CPNE8: variants seen among roughly 807,000 people sequenced by gnomAD.
CPNE8 encodes the protein copine 8.
In CPNE8, 45 loss-of-function variants were observed where a neutral mutation model predicts 81.5. The ratio of observed to expected loss-of-function variants is 0.55; its 90% confidence interval spans 0.44 to 0.71. The LOEUF (loss-of-function observed/expected upper bound fraction) is 0.71. Among genes scored for constraint, CPNE8 ranks in the 30% least tolerant of loss-of-function variants. CPNE8 has a pLI of 0.00. For missense variants in CPNE8, 594 were observed against 672.1 expected, an observed-to-expected ratio of 0.88 and a Z score of 1.28; for synonymous variants, 252 against 226.3, an observed-to-expected ratio of 1.11 and a Z score of -1.02.
chr12:38,768,462 T>C (rs143402231), intron 7 of CPNE8, among the ~76,000 whole-genome samples: 2 of 152,274 alleles, frequency 1.3e-5, no homozygotes, highest in Admixed American at 6.5e-5. Context: ...AGAAAATGTA[T>C]TGTTATTTAA....
rs201678434 is a variant in CPNE8, at chr12:38,902,315, G to GGAAA, written c.98+3118_98+3121dup. Among the ~76,000 whole-genome samples the GGAAA allele has an allele frequency of 5.9e-3, 493 of 83,776 alleles. 5 individuals carry two copies. The highest frequency in any genetic ancestry group is 9.1e-3 in the South Asian group (22 of 2,414). The allele number at this position is 83,776 out of a possible 152,430, so 55.0% of individuals were successfully genotyped here. A position where few individuals can be genotyped will look rare whatever the true frequency, so the allele number is the denominator to read the frequency against. On this transcript the variant is annotated intron_variant, in intron 1 of 19. Coordinates refer to ENST00000331366, the MANE Select transcript of CPNE8 (RefSeq NM_153634.3). ...GGAAGGAAAGGAAGGAAGGAAGGAAGGAAAGAAAGAAAGAAAGAAAGAAAG... is the reference window on the plus strand; with the variant it reads ...GGAAGGAAAGGAAGGAAGGAAGGAAGGAAAGAAAGAAAGAAAGAAAGAAAGAAAG...
intron 13 of CPNE8, among the ~76,000 whole-genome samples, chr12:38,722,932 G>T (rs1377981275): frequency 6.6e-6 from 1 of 152,034 alleles, no homozygotes; most frequent in Non-Finnish European, 1.5e-5. Flanking sequence ...GTGTTTGACA[G>T]GTCCTCCTTC....
chr12:38,660,820 C>G (rs1433467857), intron 19 of CPNE8, among the ~76,000 whole-genome samples: 1 of 152,058 alleles, frequency 6.6e-6, no homozygotes, highest in African/African-American at 2.4e-5. Context: ...AGATACTTCT[C>G]AAAAGACATT....
chr12:38,675,822 TAAGAA>T, intron 17 of CPNE8, 48 bp from the exon 18 acceptor site: 1 of 1,232,930 alleles, frequency 8.1e-7, no homozygotes, highest in Non-Finnish European at 1.2e-6. Context: ...ATTGAGTTCT[TAAGAA>T]AATAATTAAA....
At chr12:38,818,873 C>A (rs868235609) in intron 6 of CPNE8, among the ~76,000 whole-genome samples, 2 of 152,306 alleles carry the variant, frequency 1.3e-5, no homozygotes, top group South Asian at 4.1e-4. Context: ...TTGCATTTCT[C>A]TAATGACCAG....
At chr12:38,905,725 C>A (rs1200572351), upstream of CPNE8, 1 of 1,429,066 alleles carries the variant, frequency 7.0e-7, no homozygotes, top group Non-Finnish European at 9.2e-7. Flanking sequence ...AACCGCTAGC[C>A]AGTCCTGGGT....
chr12:38,738,383 T>C (rs994889548), intron 10 of CPNE8, among the ~76,000 whole-genome samples: 1 of 152,186 alleles, frequency 6.6e-6, no homozygotes, highest in Non-Finnish European at 1.5e-5. Flanking sequence ...TCAATCAATA[T>C]GTAGAGACAA....
intron 11 of CPNE8, among the ~76,000 whole-genome samples, chr12:38,728,496 A>T (rs1447867329): frequency 2.0e-5 from 3 of 152,152 alleles, no homozygotes; most frequent in African/African-American, 7.2e-5. Flanking sequence ...CAGAAGAAAT[A>T]ATCAGTAATT....
intron 10 of CPNE8, among the ~76,000 whole-genome samples, chr12:38,732,979 C>G (rs1940867824): frequency 6.6e-6 from 1 of 151,966 alleles, no homozygotes; most frequent in Admixed American, 6.6e-5. Context: ...CAGCCTCCAA[C>G]ATAACATTTC....
At chr12:38,877,037 G>T (rs1030725640) in intron 1 of CPNE8, among the ~76,000 whole-genome samples, 1 of 152,192 alleles carries the variant, frequency 6.6e-6, no homozygotes, top group South Asian at 2.1e-4. Flanking sequence ...GTGAGTGAAT[G>T]AGTCAATGTA....
chr12:38,778,272 G>C (rs1294550215), intron 6 of CPNE8, among the ~76,000 whole-genome samples: 1 of 152,132 alleles, frequency 6.6e-6, no homozygotes, highest in Non-Finnish European at 1.5e-5. Context: ...ATCTAGGTTT[G>C]TGTAAGTACA....
intron 13 of CPNE8, among the ~76,000 whole-genome samples, chr12:38,720,492 T>G (rs994845897): frequency 6.6e-6 from 1 of 152,178 alleles, no homozygotes; most frequent in African/African-American, 2.4e-5. Context: ...ATTCTTCACA[T>G]GCTCATAAAG....
chr12:38,739,706 G>T (rs1217998090), intron 10 of CPNE8, among the ~76,000 whole-genome samples: 6 of 151,982 alleles, frequency 3.9e-5, no homozygotes, highest in African/African-American at 1.5e-4. Context: ...TTAATTAGCG[G>T]ATACCAAAAT....
At chr12:38,813,981 C>T (rs188291728) in intron 6 of CPNE8, among the ~76,000 whole-genome samples, 9 of 152,100 alleles carry the variant, frequency 5.9e-5, no homozygotes, top group African/African-American at 2.2e-4. Context: ...TCCAGGTATG[C>T]CACTGGAGTG....
chr12:38,851,923 T>C (rs1476057554), intron 3 of CPNE8, among the ~76,000 whole-genome samples: 2 of 152,158 alleles, frequency 1.3e-5, no homozygotes, highest in Non-Finnish European at 2.9e-5. Flanking sequence ...CTTTCTTACC[T>C]CATGGCCTTT....
intron 14 of CPNE8, among the ~76,000 whole-genome samples, chr12:38,699,137 C>T (rs1241742828): frequency 3.9e-5 from 6 of 152,124 alleles, no homozygotes; most frequent in African/African-American, 1.4e-4. Context: ...TTTATTTCAA[C>T]AATGTTTTCT....
intron 6 of CPNE8, among the ~76,000 whole-genome samples, chr12:38,819,215 A>G (rs571773537): frequency 6.6e-6 from 1 of 152,254 alleles, no homozygotes; most frequent in African/African-American, 2.4e-5. Flanking sequence ...GCCCATGCCT[A>G]TGTCCTGAAT....
At chr12:38,794,649 A>T (rs999180812) in intron 6 of CPNE8, among the ~76,000 whole-genome samples, 3 of 145,638 alleles carry the variant, frequency 2.1e-5, no homozygotes, top group Non-Finnish European at 4.5e-5. Flanking sequence ...AAAAACTACT[A>T]TAAAAAAAAA....
intron 14 of CPNE8, among the ~76,000 whole-genome samples, chr12:38,698,673 T>G (rs1416031722): frequency 6.6e-6 from 1 of 152,202 alleles, no homozygotes; most frequent in East Asian, 1.9e-4. Context: ...CGTTGCATTG[T>G]TTTGGTATTC....
Sources: allele counts gnomAD v4.1 joint callset (sites outside exome capture counted in the v4.1 genomes callset), GRCh38; gene constraint gnomAD v4.1.1; transcripts MANE v1.5; gene names NCBI Gene and HGNC (gene_info 2026-07-23, HGNC 2026-07-21).